The following HORMAD2 variants were observed in gnomAD, a reference collection of about 807,000 sequenced individuals.
The protein encoded by HORMAD2 is HORMA domain-containing protein 2.
In HORMAD2, 45 loss-of-function variants were observed where a neutral mutation model predicts 38.8. The observed-to-expected ratio is 1.16, with a 90% CI of 0.91 to 1.49. The LOEUF is 1.49. HORMAD2 is among the 40% of genes most tolerant of loss of function. The probability of loss-of-function intolerance (pLI) is 0.00; values close to 1 mark genes in which losing one functional copy is unlikely to be tolerated. For missense variants in HORMAD2, 338 were observed against 367.0 expected (o/e 0.92, Z 0.65); for synonymous variants, 126 against 122.8 (o/e 1.03, Z -0.17).
intron 10 of HORMAD2, among the ~76,000 whole-genome samples, chr22:30,126,255 G>A (rs1172131516): frequency 1.3e-5 from 2 of 151,740 alleles, no homozygotes; most frequent in Non-Finnish European, 2.9e-5. Context: ...TGCAAGTTCC[G>A]CCTCCTGGGT....
intron 5 of HORMAD2, among the ~76,000 whole-genome samples, chr22:30,108,439 TTTTACCTTTGCATA>T (rs1422537149): frequency 6.6e-6 from 1 of 152,180 alleles, no homozygotes; most frequent in Non-Finnish European, 1.5e-5. Flanking sequence ...GCCAAGCTCC[TTTTACCTTTGCATA>T]TATTGTTCCT....
chr22:30,162,582 C>CT (rs1345509955), intron 10 of HORMAD2, among the ~76,000 whole-genome samples: 7 of 151,634 alleles, frequency 4.6e-5, no homozygotes, highest in Non-Finnish European at 8.8e-5. Flanking sequence ...TTTCTTCTTA[C>CT]TTTTTAAAAT....
chr22:30,078,357 G>A (rs1645430930), upstream of HORMAD2, among the ~76,000 whole-genome samples: 2 of 152,000 alleles, frequency 1.3e-5, no homozygotes, highest in South Asian at 2.1e-4. Flanking sequence ...TGTAATCCTA[G>A]CACTTTGGGA....
intron 10 of HORMAD2, among the ~76,000 whole-genome samples, chr22:30,157,181 C>A (rs984600619): frequency 7.2e-5 from 11 of 152,230 alleles, no homozygotes; most frequent in Middle Eastern, 3.4e-3. Flanking sequence ...CTTCTCCAAC[C>A]AGGTGGGTCA....
intron 10 of HORMAD2, among the ~76,000 whole-genome samples, chr22:30,138,571 A>G (rs567971123): frequency 9.9e-5 from 15 of 152,062 alleles, no homozygotes; most frequent in Non-Finnish European, 1.9e-4. Context: ...CAATTTATAA[A>G]TATTGTCTTC....
chr22:30,172,300 GT>G lies in HORMAD2; in HGVS notation c.820-3762del, dbSNP rs1926158222. Among the ~76,000 whole-genome samples the G allele has an allele frequency of 3.3e-5, 5 of 152,328 alleles. No homozygotes were observed. The South Asian group carries it at 1.0e-3, about 32-fold the overall frequency. ...TGATAGGTCCCAAACACCTAGAAGA[GT>G]GCCATGCACATAGCTGACACTCAAT... On this transcript the variant is annotated intron_variant, in intron 10 of 10. Coordinates refer to ENST00000336726, the MANE Select transcript of HORMAD2 (RefSeq NM_152510.4).
chr22:30,149,265 T>C (rs939808457), intron 10 of HORMAD2, among the ~76,000 whole-genome samples: 1 of 152,232 alleles, frequency 6.6e-6, no homozygotes, highest in African/African-American at 2.4e-5. Context: ...CCTAAATCAA[T>C]TCCAAACTTT....
the HORMAD2 span, among the ~76,000 whole-genome samples, chr22:30,202,377 G>T: frequency 1.3e-5 from 2 of 151,990 alleles, no homozygotes; most frequent in African/African-American, 4.8e-5. Flanking sequence ...TTGGGGTGAG[G>T]AGTGGGAGTT....
intron 1 of HORMAD2, among the ~76,000 whole-genome samples, chr22:30,082,367 T>C (rs2068496728): frequency 2.0e-5 from 3 of 152,198 alleles, no homozygotes; most frequent in Admixed American, 2.0e-4. Flanking sequence ...GGCTTTTGCT[T>C]CACTTGGAAT....
chr22:30,168,026 A>G (rs1447513783), intron 10 of HORMAD2, among the ~76,000 whole-genome samples: 3 of 152,338 alleles, frequency 2.0e-5, no homozygotes, highest in African/African-American at 7.2e-5. Context: ...ATTTTTTAGT[A>G]TATAGTCTGT....
chr22:30,087,282 G>A lies in HORMAD2; in HGVS notation c.-37-6634G>A, dbSNP rs573006848. 7.8e-4 allele frequency among the ~76,000 whole-genome samples: 119 copies of A among 152,356 alleles called. 1 individual carries two copies. Among genetic ancestry groups the A allele is most frequent in the East Asian group, 1.9e-4 (1 of 5,186 alleles). Reference sequence around the variant, plus strand: ...ATGTCATTCACTGAGCGAGGGAACAGAAGTAAGTTTTTGGGGAAAATAATT... The same window carrying A: ...ATGTCATTCACTGAGCGAGGGAACAAAAGTAAGTTTTTGGGGAAAATAATT... On this transcript the variant is annotated intron_variant, in intron 1 of 10. Coordinates refer to ENST00000336726, the MANE Select transcript of HORMAD2 (RefSeq NM_152510.4).
At chr22:30,157,432 A>T (rs1925147279) in intron 10 of HORMAD2, among the ~76,000 whole-genome samples, 1 of 151,908 alleles carries the variant, frequency 6.6e-6, no homozygotes, top group African/African-American at 2.4e-5. Flanking sequence ...TACATGGCAA[A>T]TATTATCCCC....
chr22:30,101,588 TA>T (rs35366560), intron 3 of HORMAD2, among the ~76,000 whole-genome samples: 811 of 139,170 alleles, frequency 5.8e-3, no homozygotes, highest in Middle Eastern at 0.015. Context: ...CTTAAAGTAT[TA>T]AAAAAAAAAA....
intron 1 of HORMAD2, among the ~76,000 whole-genome samples, chr22:30,091,673 T>C (rs2068690370): frequency 6.6e-6 from 1 of 152,172 alleles, no homozygotes; most frequent in Non-Finnish European, 1.5e-5. Flanking sequence ...ATCTCTTCCA[T>C]ATACTGATTT....
intron 1 of HORMAD2, among the ~76,000 whole-genome samples, chr22:30,085,310 G>C (rs2068552151): frequency 6.6e-6 from 1 of 152,116 alleles, no homozygotes; most frequent in Admixed American, 6.6e-5. Context: ...AATAGGCATG[G>C]GATTTCTTTT....
chr22:30,102,060 T>C (rs1466963973), intron 3 of HORMAD2, among the ~76,000 whole-genome samples: 1 of 151,932 alleles, frequency 6.6e-6, no homozygotes, highest in Non-Finnish European at 1.5e-5. Flanking sequence ...ACAGTGAGAC[T>C]CTGTCTCAAA....
chr22:30,207,078 A>G, the HORMAD2 span: 4 of 470,672 alleles, frequency 8.5e-6, no homozygotes, highest in African/African-American at 8.0e-5. Flanking sequence ...ATGTTTGGAC[A>G]TCCCAGCTCA....
At chr22:30,177,656 G>A (rs1198125580), downstream of HORMAD2, among the ~76,000 whole-genome samples, 1 of 149,932 alleles carries the variant, frequency 6.7e-6, no homozygotes, top group African/African-American at 2.4e-5. Context: ...TGTCTCTCCA[G>A]AGAGAAGGTC....
At chr22:30,122,359 TA>T (rs1407145749) in intron 10 of HORMAD2, 145 bp downstream of exon 10, 8 of 642,822 alleles carry the variant, frequency 1.2e-5, no homozygotes, top group Non-Finnish European at 1.9e-5. Context: ...GTTTTTAATC[TA>T]AAAAAGTTTA....
Sources: gnomAD v4.1 joint callset for allele counts (sites outside exome capture counted in the v4.1 genomes callset) on GRCh38, gnomAD v4.1.1 for gene constraint, MANE v1.5 for transcripts, NCBI Gene and HGNC (gene_info 2026-07-23, HGNC 2026-07-21) for gene names.